The following ALK variants were observed in gnomAD, a reference collection of about 807,000 sequenced individuals.
ALK encodes ALK tyrosine kinase receptor.
ALK carries 74 observed loss-of-function variants against 163.1 expected under a neutral mutation model. The ratio of observed to expected loss-of-function variants is 0.45; its 90% CI spans 0.38 to 0.55. The LOEUF (loss-of-function observed/expected upper bound fraction) is 0.55. Ranked by LOEUF, ALK falls within the 20% of genes least tolerant of loss-of-function variation. The pLI is 0.00. For synonymous variants in ALK, 960 were observed against 843.2 expected, an observed-to-expected ratio of 1.14 and a Z score of -2.40; for missense variants, 2,063 against 2,105.3, an observed-to-expected ratio of 0.98 and a Z score of 0.39.
chr2:29,569,176 C>T (rs1674282614), intron 3 of ALK, among the ~76,000 whole-genome samples: 1 of 152,144 alleles, frequency 6.6e-6, no homozygotes, highest in African/African-American at 2.4e-5. Context: ...TTTATCCAAC[C>T]TGTGAGGCTC....
At chr2:29,204,804 G>C (rs975707340) in intron 26 of ALK, among the ~76,000 whole-genome samples, 8 of 152,216 alleles carry the variant, frequency 5.3e-5, no homozygotes, top group Admixed American at 5.2e-4. Context: ...GGCAAGGCTA[G>C]TCTCGAACTT....
chr2:29,612,697 G>T (rs1205778993), intron 3 of ALK, among the ~76,000 whole-genome samples: 3 of 152,144 alleles, frequency 2.0e-5, no homozygotes, highest in Non-Finnish European at 4.4e-5. Context: ...ACATCTCCAG[G>T]TAGTTTAGCT....
chr2:29,674,601 A>C (rs929379696), intron 3 of ALK, among the ~76,000 whole-genome samples: 2 of 151,278 alleles, frequency 1.3e-5, no homozygotes, highest in Admixed American at 6.6e-5. Context: ...GGATTTTTGC[A>C]TCAATGTTCA....
intron 3 of ALK, among the ~76,000 whole-genome samples, chr2:29,638,493 C>G: frequency 7.6e-6 from 1 of 131,776 alleles, no homozygotes; most frequent in Non-Finnish European, 1.5e-5. Flanking sequence ...TGGCAATGAC[C>G]ACAGGGCAAG....
At chr2:29,253,624 G>A (rs1664877551) in intron 11 of ALK, among the ~76,000 whole-genome samples, 1 of 152,022 alleles carries the variant, frequency 6.6e-6, no homozygotes, top group Non-Finnish European at 1.5e-5. Flanking sequence ...GGGTTGGGGA[G>A]GAGGGATGGG....
In ALK at chr2:29,232,162, C is replaced by T. The variant is rs1287447504; in HGVS notation, c.2632+142G>A. 3.3e-6 allele frequency: 4 copies of T among 1,229,600 alleles called. No individual in the cohort carries two copies. The African/African-American group carries it at 5.9e-5, about 18-fold the overall frequency. 76.2% of individuals were successfully genotyped at this position (1,229,600 alleles called of 1,614,324 possible). A position where few individuals can be genotyped will look rare whatever the true frequency, so the allele number is the denominator to read the frequency against. On this transcript the variant is annotated intron_variant, in intron 15 of 28. Transcript: ENST00000389048. ...TCCCAGGGTGCTGCCTGCCCTCCCT[C>T]CCTGGATATCGGTACCAATATTCAG...
chr2:29,890,494 A>AG (rs1319308315), intron 1 of ALK: 1 of 152,200 alleles, frequency 6.6e-6, no homozygotes, highest in Admixed American at 6.5e-5. Context: ...AGGGGACAGG[A>AG]TTGCCTTTTC....
At chr2:29,418,026 C>T (rs1669922878) in intron 4 of ALK, among the ~76,000 whole-genome samples, 1 of 152,204 alleles carries the variant, frequency 6.6e-6, no homozygotes, top group Non-Finnish European at 1.5e-5. Context: ...GGGCATGGCA[C>T]CCCTTTAAGG....
chr2:29,752,348 CTT>C (rs34424748), intron 1 of ALK, among the ~76,000 whole-genome samples: 4,044 of 120,940 alleles, frequency 0.033, 176 homozygotes, highest in African/African-American at 0.13. Flanking sequence ...ATTTTCTTTT[CTT>C]TTTTTTTTTT....
chr2:29,687,334 G>C (rs1678268458), intron 3 of ALK, among the ~76,000 whole-genome samples: 1 of 151,928 alleles, frequency 6.6e-6, no homozygotes, highest in African/African-American at 2.4e-5. Context: ...GCCCATGCCA[G>C]CTGCCAATGT....
intron 1 of ALK, among the ~76,000 whole-genome samples, chr2:29,802,058 C>CTGT (rs1397413382): frequency 2.6e-5 from 4 of 152,080 alleles, no homozygotes; most frequent in Admixed American, 6.5e-5. Context: ...GAAAATAATT[C>CTGT]TGTTTAAATG....
intron 2 of ALK, among the ~76,000 whole-genome samples, chr2:29,707,376 G>C (rs1355819146): frequency 3.3e-5 from 5 of 152,124 alleles, no homozygotes; most frequent in Admixed American, 6.5e-5. Context: ...CTTCAGGGAA[G>C]GGTCCCAGTC....
chr2:29,827,399 T>C (rs909346703), intron 1 of ALK, among the ~76,000 whole-genome samples: 1 of 152,244 alleles, frequency 6.6e-6, no homozygotes, highest in African/African-American at 2.4e-5. Context: ...CTCACTGTCA[T>C]GATGTGATGT....
chr2:29,750,709 CAGGAAGGA>C (rs796762137), intron 1 of ALK, among the ~76,000 whole-genome samples: 1 of 109,926 alleles, frequency 9.1e-6, no homozygotes, highest in Non-Finnish European at 1.8e-5. Context: ...GGCAGGCAGG[CAGGAAGGA>C]AGGAAGGAAG....
intron 5 of ALK, among the ~76,000 whole-genome samples, chr2:29,343,020 C>G (rs947433247): frequency 6.7e-6 from 1 of 148,682 alleles, no homozygotes; most frequent in African/African-American, 2.5e-5. Context: ...GTAGCTGGAA[C>G]TACAGGCTCC....
At chr2:29,788,332 A>G (rs1255808701) in intron 1 of ALK, among the ~76,000 whole-genome samples, 2 of 152,222 alleles carry the variant, frequency 1.3e-5, no homozygotes, top group Non-Finnish European at 2.9e-5. Context: ...ACAGATTAAC[A>G]TGACATTCCT....
intron 6 of ALK, among the ~76,000 whole-genome samples, chr2:29,324,450 G>T (rs192844935): frequency 1.0e-3 from 157 of 152,320 alleles, no homozygotes; most frequent in African/African-American, 3.7e-3. Context: ...GATTATGGGC[G>T]ATAGTTATTT....
chr2:29,408,208 G>A lies in ALK; in HGVS notation c.1155-24349C>T, dbSNP rs369470775. The stretch of plus-strand genomic sequence containing the variant: ...AGCGATTCTCCTGCCTCAGCCTCTC[G>A]AGTACCTGGGACTACAGGTACGTGC... On this transcript the variant is annotated intron_variant, in intron 4 of 28. Transcript: ENST00000389048. Among the ~76,000 whole-genome samples, 45 of 150,630 alleles carry A rather than the reference G, an allele frequency of 3.0e-4. No homozygotes were observed. The East Asian group carries it at 4.1e-3, about 14-fold the overall frequency.
intron 4 of ALK, among the ~76,000 whole-genome samples, chr2:29,431,417 C>A (rs534190132): frequency 6.6e-6 from 1 of 152,134 alleles, no homozygotes; most frequent in South Asian, 2.1e-4. Context: ...CCAACTGATT[C>A]GAATTTTAGC....
Sources: allele counts gnomAD v4.1 joint callset (sites outside exome capture counted in the v4.1 genomes callset), GRCh38; gene constraint gnomAD v4.1.1; transcripts MANE v1.5; gene names NCBI Gene and HGNC (gene_info 2026-07-23, HGNC 2026-07-21).